The following PLEKHA6 variants were observed in gnomAD, a reference collection of about 807,000 sequenced individuals.
PLEKHA6 encodes pleckstrin homology domain-containing family A member 6.
PLEKHA6 carries 60 observed loss-of-function variants against 116.7 expected under a neutral mutation model. The observed-to-expected ratio is 0.51, with a 90% CI of 0.42 to 0.64. The LOEUF is 0.64. Ranked by LOEUF, PLEKHA6 falls within the 30% of genes least tolerant of loss-of-function variation. The probability of loss-of-function intolerance (pLI) is 0.00; values close to 1 mark genes in which losing one functional copy is unlikely to be tolerated. For missense variants in PLEKHA6, 1,338 were observed against 1,422.7 expected (o/e 0.94, Z 0.96); for synonymous variants, 489 against 556.1 (o/e 0.88, Z 1.70).
At chr1:204,232,012 G>A (rs1661257702) in intron 17 of PLEKHA6, among the ~76,000 whole-genome samples, 1 of 152,290 alleles carries the variant, frequency 6.6e-6, no homozygotes, top group South Asian at 2.1e-4. Flanking sequence ...TGAATGGAAT[G>A]CTGGTAGAAA....
intron 6 of PLEKHA6, chr1:204,262,189 A>AAC (rs1666213857): frequency 6.6e-6 from 1 of 152,276 alleles, no homozygotes; most frequent in South Asian, 2.1e-4. Context: ...GGCAGCACCC[A>AAC]ACAATGCCCA....
chr1:204,241,677 G>C lies in PLEKHA6; in HGVS notation c.2302+8C>G, dbSNP rs368319020. 6.3e-7 allele frequency: 1 copy of C among 1,578,866 alleles called. No individual in the cohort carries two copies. Among genetic ancestry groups the C allele is most frequent in the Non-Finnish European group, 8.6e-7 (1 of 1,164,554 alleles). On this transcript the variant is annotated splice_region_variant and intron_variant, in intron 16 of 22. Coordinates refer to ENST00000272203, the MANE Select transcript of PLEKHA6 (RefSeq NM_014935.5). ...CTTACTTCTAGGGGAAGATGGGACA[G>C]AAAGTACCTTTGTTGAGAGCTGCCT...
chr1:204,245,685 C>G lies in PLEKHA6; in HGVS notation c.1962G>C (p.Arg654Ser). The G allele has an allele frequency of 6.2e-7, 1 of 1,613,794 alleles. No homozygotes were observed. Among genetic ancestry groups the G allele is most frequent in the South Asian group, 1.1e-5 (1 of 91,082 alleles). ...TCAGCCCCTCCATCACGTCCTGGAT[C>G]CTCCAGATCTCCTTTTGGATTTGCC... ...LNRQIQKEIW[R>S]IQDVMEGLRK... The change falls in exon 14 of 23, where the codon AGG becomes AGC. Residue 654 changes from arginine to serine, a missense_variant. Around this residue, in one of 3 missense-constraint regions of PLEKHA6, gnomAD observed 1,136 missense variants for 1,163.6 expected, o/e 0.98. Transcript: ENST00000272203.
chr1:204,349,540 C>CAAAA (rs11403796), intron 1 of PLEKHA6, among the ~76,000 whole-genome samples: 1 of 115,168 alleles, frequency 8.7e-6, no homozygotes, highest in South Asian at 3.0e-4. Context: ...GACTCCATCT[C>CAAAA]AAAAAAAAAA....
chr1:204,226,159 C>A (rs1386356130), intron 21 of PLEKHA6, among the ~76,000 whole-genome samples: 1 of 152,244 alleles, frequency 6.6e-6, no homozygotes, highest in Non-Finnish European at 1.5e-5. Flanking sequence ...CTGTGCCTGG[C>A]AGAGCTGTAG....
intron 5 of PLEKHA6, among the ~76,000 whole-genome samples, chr1:204,265,479 G>A (rs1369464756): frequency 1.3e-5 from 2 of 152,206 alleles, no homozygotes; most frequent in African/African-American, 4.8e-5. Flanking sequence ...GAGACACAAA[G>A]AGGTTAGATG....
intron 1 of PLEKHA6, among the ~76,000 whole-genome samples, chr1:204,290,227 A>C (rs2103022773): frequency 6.6e-6 from 1 of 152,352 alleles, no homozygotes; most frequent in South Asian, 2.1e-4. Context: ...CAGAATACTC[A>C]AAAGCTTTGA....
At chr1:204,373,395 T>C (rs1033633068) in intron 1 of PLEKHA6, among the ~76,000 whole-genome samples, 27 of 152,184 alleles carry the variant, frequency 1.8e-4, no homozygotes, top group Non-Finnish European at 3.2e-4. Context: ...TGGCTATTTT[T>C]TTTTTGCAGA....
At position 204,350,041 on chromosome 1, in the gene PLEKHA6, G is replaced by T. The variant is rs141105327; in HGVS notation, c.-95+9653C>A. On this transcript the variant is annotated intron_variant, in intron 1 of 22. Coordinates refer to ENST00000272203, the MANE Select transcript of PLEKHA6 (RefSeq NM_014935.5). The stretch of plus-strand genomic sequence containing the variant: ...GATGTCTTCCTTTTAAAACATTCTG[G>T]CCAGGCGCAGTGGTTCATGTCTGTA... Among the ~76,000 whole-genome samples the T allele has an allele frequency of 8.2e-3, 1,249 of 152,292 alleles. 19 individuals carry two copies. Among genetic ancestry groups the T allele is most frequent in the African/African-American group, 0.029 (1,203 of 41,568 alleles).
At chr1:204,356,164 A>G (rs1225048078) in intron 1 of PLEKHA6, among the ~76,000 whole-genome samples, 1 of 152,276 alleles carries the variant, frequency 6.6e-6, no homozygotes, top group Non-Finnish European at 1.5e-5. Flanking sequence ...TTATATGTTC[A>G]TTGTAGCCTT....
chr1:204,238,863 T>C lies in PLEKHA6; in HGVS notation c.2409+2512A>G, dbSNP rs556931052. ...TAGCAGTGAAGGGAAATCTTCCCAGTGGGCAGAACTTCAAGCAGTGCACCT... is the reference window on the plus strand; with the variant it reads ...TAGCAGTGAAGGGAAATCTTCCCAGCGGGCAGAACTTCAAGCAGTGCACCT... On this transcript the variant is annotated intron_variant, in intron 17 of 22. Transcript: ENST00000272203. This position sits in a 1 kb window ranked among gnomAD's most constrained non-coding sequence, Gnocchi z 4.2. Among the ~76,000 whole-genome samples the C allele has an allele frequency of 1.1e-4, 17 of 152,336 alleles. No individual in the cohort carries two copies. Among genetic ancestry groups the C allele is most frequent in the Non-Finnish European group, 2.1e-4 (14 of 68,032 alleles).
chr1:204,298,239 C>A (rs893843262), intron 1 of PLEKHA6, among the ~76,000 whole-genome samples: 9 of 152,326 alleles, frequency 5.9e-5, no homozygotes, highest in African/African-American at 2.2e-4. Context: ...AGATGGTGGG[C>A]CTGAGTCTTC....
Position 204,257,293 on chromosome 1 carries a change from T to C in PLEKHA6, c.1524+60A>G, listed in dbSNP as rs1665438579. The C allele has an allele frequency of 1.4e-6, 2 of 1,470,856 alleles. No individual in the cohort carries two copies. Among genetic ancestry groups the C allele is most frequent in the East Asian group, 2.5e-5 (1 of 40,484 alleles). The allele number at this position is 1,470,856 out of a possible 1,614,324, so 91.1% of individuals were successfully genotyped here. A position where few individuals can be genotyped will look rare whatever the true frequency, so the allele number is the denominator to read the frequency against. On this transcript the variant is annotated intron_variant, in intron 9 of 22. Coordinates refer to ENST00000272203, the MANE Select transcript of PLEKHA6 (RefSeq NM_014935.5). The surrounding 1 kb of genome is among the most constrained non-coding windows in gnomAD (Gnocchi z 6.5). ...CACATCTCTGCCTTTTCTCAGTAGATGGTCTTAGGCTTCTGGGGACCTCAG... is the reference window on the plus strand; with the variant it reads ...CACATCTCTGCCTTTTCTCAGTAGACGGTCTTAGGCTTCTGGGGACCTCAG...
rs61755452 is a variant in PLEKHA6 at position 204,241,476 on chromosome 1, C to T, written c.2308G>A (p.Val770Ile). 2.0e-3 allele frequency: 3,204 copies of T among 1,597,994 alleles called. 5 individuals are homozygous for T. The highest frequency in any genetic ancestry group is 3.0e-3 in the Admixed American group (174 of 58,398). Reference protein sequence around the residue: ...EKQAALNKVGVVPPRTKSPTD... With the variant: ...EKQAALNKVGIVPPRTKSPTD... ...GGCGATTTTGTCCGAGGGGGCACAA[C>T]GCCAACTGCAGAAAGACAGAGTAGC... Residue 770 changes from valine to isoleucine, a missense_variant, in exon 17 of 23, where the codon GTT becomes ATT. Val to Ile is a conservative substitution (Grantham distance 29). Transcript: ENST00000272203.
intron 1 of PLEKHA6, among the ~76,000 whole-genome samples, chr1:204,282,169 C>T (rs1451879156): frequency 6.6e-6 from 1 of 152,042 alleles, no homozygotes; most frequent in Non-Finnish European, 1.5e-5. Flanking sequence ...CCTAAGATGG[C>T]AGACTGAGGG....
intron 2 of PLEKHA6, 157 bp downstream of exon 2, chr1:204,274,572 A>T: frequency 1.0e-6 from 1 of 984,218 alleles, no homozygotes; most frequent in Non-Finnish European, 1.2e-6. Flanking sequence ...GATGGGTCTC[A>T]GATGCTTCCA....
intron 17 of PLEKHA6, among the ~76,000 whole-genome samples, chr1:204,231,405 A>C (rs777951113): frequency 6.6e-6 from 1 of 152,188 alleles, no homozygotes; most frequent in Non-Finnish European, 1.5e-5. Flanking sequence ...ACCAAAATTC[A>C]TGAATGCTCA....
chr1:204,234,954 TTATATATATATATATATA>T (rs61156938), intron 17 of PLEKHA6, among the ~76,000 whole-genome samples: 238 of 18,500 alleles, frequency 0.013, 2 homozygotes, highest in African/African-American at 0.04. Flanking sequence ...AAACTGCCCT[TTATATATATATATATATA>T]TATATATATA....
chr1:204,253,438 C>T (rs992674902), intron 9 of PLEKHA6, among the ~76,000 whole-genome samples: 13 of 152,310 alleles, frequency 8.5e-5, no homozygotes, highest in African/African-American at 2.6e-4. Context: ...GTACTACCTA[C>T]GTGAACCCTG....
Sources: gnomAD v4.1 joint callset for allele counts (sites outside exome capture counted in the v4.1 genomes callset) on GRCh38, gnomAD v4.1.1 for gene constraint, gnomAD v4.1.1 regional missense constraint, Gnocchi (gnomAD v3.1) non-coding constraint, MANE v1.5 for transcripts, NCBI Gene and HGNC (gene_info 2026-07-23, HGNC 2026-07-21) for gene names.